PLK1: variants seen among roughly 807,000 people sequenced by gnomAD.
The protein encoded by PLK1 is serine/threonine-protein kinase PLK1.
In PLK1, 6 loss-of-function variants were observed where a neutral mutation model predicts 56.7. The observed-to-expected ratio is 0.11, with a 90% confidence interval of 0.06 to 0.21. The LOEUF (loss-of-function observed/expected upper bound fraction) is 0.21, where lower values mean the gene tolerates loss of function less well. Among genes scored for constraint, PLK1 ranks in the 10% least tolerant of loss-of-function variants. The probability of loss-of-function intolerance (pLI) is 1.00; values close to 1 mark genes in which losing one functional copy is unlikely to be tolerated. For synonymous variants in PLK1, 298 were observed against 325.0 expected, an observed-to-expected ratio of 0.92 and a Z score of 0.89; for missense variants, 546 against 814.4, an observed-to-expected ratio of 0.67 and a Z score of 4.01.
intron 5 of PLK1, among the ~76,000 whole-genome samples, chr16:23,686,182 G>A (rs966639763): frequency 4.6e-5 from 7 of 151,962 alleles, no homozygotes; most frequent in Non-Finnish European, 1.0e-4. Flanking sequence ...GAGACTTTAG[G>A]CATGTGCCAC....
intron 5 of PLK1, among the ~76,000 whole-genome samples, chr16:23,685,433 CA>C (rs1452930085): frequency 6.6e-6 from 1 of 152,128 alleles, no homozygotes; most frequent in Non-Finnish European, 1.5e-5. Flanking sequence ...CATGTGCCAC[CA>C]TACCCAGCTA....
chr16:23,688,765 G>A lies in PLK1; in HGVS notation c.1270+20G>A, dbSNP rs143592731. The stretch of plus-strand genomic sequence containing the variant: ...GCCTTGGTAGGTTTCTTCCAGAACA[G>A]GTGGGTGACTCAGGCACAGCCAGGT... On this transcript the variant is annotated intron_variant, in intron 7 of 9. Transcript: ENST00000300093. The A allele has an allele frequency of 6.2e-5, 97 of 1,564,564 alleles. No individual in the cohort carries two copies. Among genetic ancestry groups the A allele is most frequent in the Non-Finnish European group, 8.4e-5 (95 of 1,134,766 alleles).
rs369550774 is a variant in PLK1 at position 23,689,209 on chromosome 16, T to C, written c.1271-29T>C. The C allele has an allele frequency of 1.3e-6, 2 of 1,589,874 alleles. No individual in the cohort carries two copies. The highest frequency in any genetic ancestry group is 1.7e-5 in the Admixed American group (1 of 59,610). ...CCACTCCCCACTTTCTATTCCCCCT[T>C]TCTGAGACCTCTCTCCACCGATCCC... On this transcript the variant is annotated intron_variant, in intron 7 of 9. Transcript: ENST00000300093. The surrounding 1 kb of genome is among the most constrained non-coding windows in gnomAD (Gnocchi z 4.8).
chr16:23,680,837 A>G (rs1959320071), intron 2 of PLK1, 77 bp from the exon 3 acceptor site: 2 of 1,443,474 alleles, frequency 1.4e-6, no homozygotes, highest in African/African-American at 1.4e-5. Context: ...TGGATGGTCA[A>G]ACCTTAACTA....
At chr16:23,687,288 C>G (rs1959443586) in intron 5 of PLK1, 181 bp from the exon 6 acceptor site, 1 of 456,656 alleles carries the variant, frequency 2.2e-6, no homozygotes, top group South Asian at 4.7e-5. Context: ...GATCTGTTGC[C>G]TCACAGTGAG....
intron 1 of PLK1, chr16:23,679,704 C>G: frequency 3.7e-6 from 1 of 271,158 alleles, no homozygotes; most frequent in Non-Finnish European, 6.9e-6. Flanking sequence ...TGGGGTGGAG[C>G]TGGGTCAGTG....
At position 23,687,459 on chromosome 16, in the gene PLK1, A is replaced by G; in HGVS notation, c.1037-10A>G. ...CCTTCCCAACGCCCCTGTTTTTGTC[A>G]CCTTCCTAGGCTTGGAGAACCCCCT... On this transcript the variant is annotated splice_polypyrimidine_tract_variant and intron_variant, in intron 5 of 9. Transcript: ENST00000300093. 1 of 1,541,758 alleles carries G rather than the reference A, an allele frequency of 6.5e-7. No homozygotes were observed. Among genetic ancestry groups the G allele is most frequent in the Non-Finnish European group, 8.8e-7 (1 of 1,134,206 alleles).
Position 23,690,199 on chromosome 16 carries a change from G to A in PLK1, c.*136G>A, listed in dbSNP as rs1390842065. The A allele has an allele frequency of 2.9e-6, 2 of 699,352 alleles. No individual in the cohort carries two copies. The highest frequency in any genetic ancestry group is 5.1e-6 in the Non-Finnish European group (2 of 392,800). 43.3% of individuals were successfully genotyped at this position (699,352 alleles called of 1,614,324 possible). ...GGCTGGGCAGAGCTGCATCATCCTT[G>A]CAGGTGGGGGTTGCTGTATAAGTTA... On this transcript the variant is annotated 3_prime_UTR_variant, in exon 10 of 10. Transcript: ENST00000300093.
Position 23,680,161 on chromosome 16 carries a change from T to A in PLK1, c.486T>A (p.Leu162=). Residue 162 remains leucine, a synonymous_variant, in exon 2 of 10, where the codon CTT becomes CTA. Coordinates refer to ENST00000300093, the MANE Select transcript of PLK1 (RefSeq NM_005030.6). The part of the protein sequence containing the change: ...EARYYLRQIV[L]GCQYLHRNRV... ...GATACTACCTACGGCAAATTGTGCT[T>A]GGCTGCCAGTACCTGCACCGAAACC... 6.2e-7 allele frequency: 1 copy of A among 1,613,940 alleles called. No individual in the cohort carries two copies. Among genetic ancestry groups the A allele is most frequent in the Non-Finnish European group, 8.5e-7 (1 of 1,179,864 alleles).
At position 23,690,181 on chromosome 16, in the gene PLK1, C is replaced by G; in HGVS notation, c.*118C>G. ...GTGCCCCCCAGCCCCGGTGGCTGGG[C>G]AGAGCTGCATCATCCTTGCAGGTGG... On this transcript the variant is annotated 3_prime_UTR_variant, in exon 10 of 10. Coordinates refer to ENST00000300093, the MANE Select transcript of PLK1 (RefSeq NM_005030.6). 1 of 769,572 alleles carries G rather than the reference C, an allele frequency of 1.3e-6. No individual in the cohort carries two copies. Among genetic ancestry groups the G allele is most frequent in the Non-Finnish European group, 2.3e-6 (1 of 443,592 alleles). The allele number at this position is 769,572 out of a possible 1,614,324, so 47.7% of individuals were successfully genotyped here.
At position 23,689,805 on chromosome 16, in the gene PLK1, C is replaced by G. The variant is rs1486302768; in HGVS notation, c.1609-55C>G. On this transcript the variant is annotated intron_variant, in intron 9 of 9. Coordinates refer to ENST00000300093, the MANE Select transcript of PLK1 (RefSeq NM_005030.6). This position sits in a 1 kb window ranked among gnomAD's most constrained non-coding sequence, Gnocchi z 4.8. ...TAACCTGTTGTGTCTTCCCTCTACTCCCTAACATACACTGGCCTCTGGGAT... is the reference window on the plus strand; with the variant it reads ...TAACCTGTTGTGTCTTCCCTCTACTGCCTAACATACACTGGCCTCTGGGAT... 1.3e-6 allele frequency: 2 copies of G among 1,555,126 alleles called. No individual in the cohort carries two copies. The highest frequency in any genetic ancestry group is 1.8e-6 in the Non-Finnish European group (2 of 1,129,148).
intron 5 of PLK1, 106 bp downstream of exon 5, chr16:23,684,195 G>A: frequency 1.2e-6 from 1 of 816,972 alleles, no homozygotes; most frequent in South Asian, 1.5e-5. Flanking sequence ...TGTGGAGTAG[G>A]ACAGGCCTCT....
chr16:23,679,925 G>T, intron 1 of PLK1, 159 bp from the exon 2 acceptor site: 2 of 590,984 alleles, frequency 3.4e-6, no homozygotes, highest in Non-Finnish European at 3.0e-6. Context: ...GGAATGGGGT[G>T]GGGGCATAGG....
chr16:23,679,698 G>A (rs1166799116), intron 1 of PLK1: 1 of 282,408 alleles, frequency 3.5e-6, no homozygotes, highest in East Asian at 6.7e-5. Context: ...AGCTTCTGGG[G>A]TGGAGCTGGG....
rs1356118867 is a variant in PLK1, at chr16:23,690,245, T to G, written c.*182T>G. On this transcript the variant is annotated 3_prime_UTR_variant, in exon 10 of 10. Coordinates refer to ENST00000300093, the MANE Select transcript of PLK1 (RefSeq NM_005030.6). ...AGTTATTTTTGTACATGTTCGGGTGTGGGTTCTACAGCCTTGTCCCCCTCC... is the reference window on the plus strand; with the variant it reads ...AGTTATTTTTGTACATGTTCGGGTGGGGGTTCTACAGCCTTGTCCCCCTCC... The G allele has an allele frequency of 1.6e-6, 1 of 613,700 alleles. No individual in the cohort carries two copies. Among genetic ancestry groups the G allele is most frequent in the Non-Finnish European group, 2.9e-6 (1 of 341,632 alleles). 38.0% of individuals were successfully genotyped at this position (613,700 alleles called of 1,614,324 possible).
chr16:23,684,228 T>C (rs1959388807), intron 5 of PLK1, 139 bp downstream of exon 5: 1 of 653,098 alleles, frequency 1.5e-6, no homozygotes, highest in African/African-American at 1.8e-5. Flanking sequence ...GTGGTTCCAA[T>C]GCCCATCTGC....
At chr16:23,682,001 G>T (rs772535794) in intron 3 of PLK1, 63 bp from the exon 4 acceptor site, 6 of 883,324 alleles carry the variant, frequency 6.8e-6, no homozygotes, top group South Asian at 1.4e-5. Flanking sequence ...ACCCTGAGAT[G>T]ATTTCTCTCA....
At position 23,679,032 on chromosome 16, in the gene PLK1, G is replaced by A. The variant is rs1338733957; in HGVS notation, c.100G>A (p.Ala34Thr). 2 of 1,608,210 alleles carry A rather than the reference G, an allele frequency of 1.2e-6. No individual in the cohort carries two copies. The highest frequency in any genetic ancestry group is 1.7e-6 in the Non-Finnish European group (2 of 1,177,214). Residue 34 changes from alanine (A) to threonine (T), a missense_variant, in exon 1 of 10, where the codon GCT (alanine) becomes ACT (threonine). Coordinates refer to ENST00000300093, the MANE Select transcript of PLK1 (RefSeq NM_005030.6). Reference sequence around the variant, plus strand: ...TGCAGCTCCCGGAGCTCCGGCGGCGGCTCCACCGGCGAAAGAGATCCCGGA... The same window carrying A: ...TGCAGCTCCCGGAGCTCCGGCGGCGACTCCACCGGCGAAAGAGATCCCGGA... ...GVAAPGAPAA[A>T]PPAKEIPEVL... is the part of the protein sequence containing the mutation.
At chr16:23,679,370 G>T (rs774078846) in intron 1 of PLK1, 30 bp downstream of exon 1, 7 of 1,589,826 alleles carry the variant, frequency 4.4e-6, no homozygotes, top group Non-Finnish European at 1.7e-6. Flanking sequence ...AACTGGAACT[G>T]CCTGCGGGGC....
Sources: allele counts gnomAD v4.1 joint callset (sites outside exome capture counted in the v4.1 genomes callset), GRCh38; gene constraint gnomAD v4.1.1; non-coding constraint Gnocchi (gnomAD v3.1); transcripts MANE v1.5; gene names NCBI Gene and HGNC (gene_info 2026-07-23, HGNC 2026-07-21).